NOX5: variants seen among roughly 807,000 people sequenced by gnomAD.
NOX5 encodes the protein NADPH oxidase, EF-hand calcium binding domain 5.
A neutral mutation model predicts 85.7 loss-of-function variants in NOX5; 76 were observed. The ratio of observed to expected loss-of-function variants is 0.89; its 90% CI spans 0.74 to 1.07. NOX5 has a LOEUF of 1.07. NOX5 is among the 50% of genes least tolerant of loss of function. The pLI is 0.00. For synonymous variants in NOX5, 405 were observed against 401.4 expected (o/e 1.01, Z -0.11); for missense variants, 973 against 999.5 (o/e 0.97, Z 0.36).
chr15:69,016,207 G>A (rs1263266388), intron 1 of NOX5, among the ~76,000 whole-genome samples: 1 of 152,114 alleles, frequency 6.6e-6, no homozygotes, highest in Non-Finnish European at 1.5e-5. Context: ...CCTGCCTTGG[G>A]AGCGTGCAGG....
intron 1 of NOX5, among the ~76,000 whole-genome samples, chr15:69,019,904 G>A (rs1009587414): frequency 1.3e-5 from 2 of 152,182 alleles, no homozygotes; most frequent in Non-Finnish European, 1.5e-5. Flanking sequence ...TTGGCATTCT[G>A]ATACCACTTC....
chr15:69,027,074 A>G (rs2050367127), intron 2 of NOX5, among the ~76,000 whole-genome samples: 1 of 152,122 alleles, frequency 6.6e-6, no homozygotes, highest in Admixed American at 6.5e-5. Flanking sequence ...TGACACACAG[A>G]GGAGACATCA....
At chr15:69,023,505 T>C in intron 1 of NOX5, 2 of 347,756 alleles carry the variant, frequency 5.8e-6, no homozygotes, top group Non-Finnish European at 1.1e-5. Flanking sequence ...GTTGTCTTCT[T>C]GACCACCAGC....
chr15:69,046,989 G>A (rs2050682024), intron 11 of NOX5, 123 bp downstream of exon 11: 10 of 990,122 alleles, frequency 1.0e-5, no homozygotes, highest in Non-Finnish European at 1.5e-5. Context: ...ATCCTCATGG[G>A]CTGACATCCA....
chr15:69,019,537 C>T (rs960344415), intron 1 of NOX5, among the ~76,000 whole-genome samples: 1 of 152,204 alleles, frequency 6.6e-6, no homozygotes, highest in African/African-American at 2.4e-5. Flanking sequence ...GGTGTATGCT[C>T]ATGGATACCA....
intron 1 of NOX5, among the ~76,000 whole-genome samples, chr15:69,020,997 T>C (rs1187135027): frequency 1.3e-5 from 2 of 152,180 alleles, no homozygotes; most frequent in African/African-American, 4.8e-5. Flanking sequence ...TGAACCATCC[T>C]TACATTACTA....
intron 1 of NOX5, among the ~76,000 whole-genome samples, chr15:69,024,878 T>C (rs2050337096): frequency 1.3e-5 from 2 of 152,210 alleles, no homozygotes; most frequent in South Asian, 4.1e-4. Context: ...TTTTTTTGGT[T>C]TTCTAATACC....
intron 15 of NOX5, 67 bp downstream of exon 15, chr15:69,055,567 G>T (rs2050802555): frequency 1.3e-6 from 2 of 1,558,258 alleles, no homozygotes; most frequent in Non-Finnish European, 1.7e-6. Flanking sequence ...GCAGCGGTGG[G>T]GAGACGAGGC....
At chr15:69,027,155 G>C (rs1303581170) in intron 2 of NOX5, among the ~76,000 whole-genome samples, 1 of 152,100 alleles carries the variant, frequency 6.6e-6, no homozygotes, top group Non-Finnish European at 1.5e-5. Context: ...ATTGAATAGT[G>C]GCCTGGTCCT....
chr15:69,037,265 T>C (rs2140265480), intron 8 of NOX5, 55 bp downstream of exon 8: 1 of 1,533,328 alleles, frequency 6.5e-7, no homozygotes, highest in Non-Finnish European at 8.9e-7. Flanking sequence ...AGGGACAGTT[T>C]GTGGGGTGGA....
chr15:69,055,151 A>T (rs903333039), intron 14 of NOX5, among the ~76,000 whole-genome samples, 183 bp from the exon 15 acceptor site: 2 of 152,242 alleles, frequency 1.3e-5, no homozygotes, highest in African/African-American at 4.8e-5. Context: ...CCATGTACAT[A>T]GTAGGCCCAG....
intron 8 of NOX5, chr15:69,037,858 G>A (rs1376679825): frequency 6.6e-6 from 1 of 152,558 alleles, no homozygotes; most frequent in East Asian, 1.9e-4. Flanking sequence ...GCCTGATTAT[G>A]AAGGGCCTCC....
chr15:69,047,367 C>G (rs2140276578), intron 11 of NOX5, 46 bp from the exon 12 acceptor site: 2 of 1,505,344 alleles, frequency 1.3e-6, no homozygotes, highest in Non-Finnish European at 1.8e-6. Flanking sequence ...CAGGGGAGAC[C>G]AGCGTCACCC....
rs771858274 is a variant in NOX5 at position 69,035,447 on chromosome 15, ATGGGCTACG to A, written c.953_961del (p.Gly318_Val320del). 1.9e-6 allele frequency: 3 copies of A among 1,614,006 alleles called. No individual in the cohort carries two copies. The South Asian group carries it at 3.3e-5, about 18-fold the overall frequency. ...CCAGAACATCCAGTTCCACCAGCTT[ATGGGCTACG>A]TGGTAGTGGGGCTGTCCCTCGTGCA... On this transcript the variant is annotated inframe_deletion, in exon 6 of 16. Coordinates refer to ENST00000388866, the MANE Select transcript of NOX5 (RefSeq NM_024505.4).
chr15:69,060,638 A>C lies in NOX5; in HGVS notation c.*3942A>C, dbSNP rs1226394844. On this transcript the variant is annotated 3_prime_UTR_variant, in exon 16 of 16. Transcript: ENST00000388866. The stretch of plus-strand genomic sequence containing the variant: ...TACTTTTTGCCCTTCTGTAAAGTTT[A>C]AGTTTTTATTAATATTATAGTTTTA... 1 of 152,212 alleles carries C rather than the reference A, an allele frequency of 6.6e-6. No homozygotes were observed. Among genetic ancestry groups the C allele is most frequent in the Non-Finnish European group, 1.5e-5 (1 of 68,036 alleles). The allele number at this position is 152,212 out of a possible 1,614,324, so 9.4% of individuals were successfully genotyped here. A position where few individuals can be genotyped will look rare whatever the true frequency, so the allele number is the denominator to read the frequency against.
chr15:69,056,667 G>A lies in NOX5; in HGVS notation c.2269G>A (p.Gly757Ser), dbSNP rs768490132. The change falls in exon 16 of 16, where the codon GGC (glycine) becomes AGC (serine). Residue 757 changes from glycine (G) to serine (S), a missense_variant. Transcript: ENST00000388866. ...GCTGAAGGGCCATTGTGAGAAGTTC[G>A]GCTTCAGATTTTTCCAAGAGAATTT... is the stretch of plus-strand genomic sequence containing the variant. ...KVLKGHCEKFGFRFFQENF is the reference protein window; with the variant it reads ...KVLKGHCEKFSFRFFQENF 23 of 1,613,790 alleles carry A rather than the reference G, an allele frequency of 1.4e-5. No individual in the cohort carries two copies. Among genetic ancestry groups the A allele is most frequent in the African/African-American group, 4.0e-5 (3 of 75,014 alleles).
rs2140286697 is a variant in NOX5 at position 69,057,581 on chromosome 15, CTT to C, written c.*887_*888del. On this transcript the variant is annotated 3_prime_UTR_variant, in exon 16 of 16. Coordinates refer to ENST00000388866, the MANE Select transcript of NOX5 (RefSeq NM_024505.4). ...TTGAGAAACAGGATGGAGACAGCCT[CTT>C]TGTGTGCCTCTCTCTGTCGTGGAAA... 1 of 152,402 alleles carries C rather than the reference CTT, an allele frequency of 6.6e-6. No individual in the cohort carries two copies. The highest frequency in any genetic ancestry group is 1.5e-5 in the Non-Finnish European group (1 of 68,096). 9.4% of individuals were successfully genotyped at this position (152,402 alleles called of 1,614,324 possible).
chr15:69,015,486 A>G (rs1299014064), intron 1 of NOX5, among the ~76,000 whole-genome samples: 2 of 152,056 alleles, frequency 1.3e-5, no homozygotes, highest in Non-Finnish European at 2.9e-5. Flanking sequence ...TGCCTTCCCG[A>G]GGGTCCCGAG....
At position 69,058,581 on chromosome 15, in the gene NOX5, C is replaced by T. The variant is rs180932253; in HGVS notation, c.*1885C>T. ...TAATTCGGTTTGGGTGGGTGGAAAG[C>T]GGGGCTCGTGCTTGCACCAAGCCTC... is the stretch of plus-strand genomic sequence containing the variant. On this transcript the variant is annotated 3_prime_UTR_variant, in exon 16 of 16. Coordinates refer to ENST00000388866, the MANE Select transcript of NOX5 (RefSeq NM_024505.4). 283 of 152,318 alleles carry T rather than the reference C, an allele frequency of 1.9e-3. 1 individual carries two copies. The highest frequency in any genetic ancestry group is 1.9e-3 in the Non-Finnish European group (131 of 68,078). The allele number at this position is 152,318 out of a possible 1,614,324, so 9.4% of individuals were successfully genotyped here.
Sources: allele counts gnomAD v4.1 joint callset (sites outside exome capture counted in the v4.1 genomes callset), GRCh38; gene constraint gnomAD v4.1.1; transcripts MANE v1.5; gene names NCBI Gene and HGNC (gene_info 2026-07-23, HGNC 2026-07-21).